Variants in LRRC36 observed in about 807,000 individuals in gnomAD.
The protein encoded by LRRC36 is leucine-rich repeat-containing protein 36.
In LRRC36, 62 loss-of-function variants were observed where a neutral mutation model predicts 81.1. That is an observed-to-expected ratio of 0.76 (90% CI 0.62 to 0.94). The LOEUF (loss-of-function observed/expected upper bound fraction) is 0.94. LRRC36 is among the 40% of genes least tolerant of loss of function. The probability of loss-of-function intolerance (pLI) is 0.00; values close to 1 mark genes in which losing one functional copy is unlikely to be tolerated. For missense variants in LRRC36, 761 were observed against 881.7 expected, an observed-to-expected ratio of 0.86 and a Z score of 1.73; for synonymous variants, 334 against 348.6, an observed-to-expected ratio of 0.96 and a Z score of 0.47.
rs71145966 is a variant in LRRC36 at position 67,331,069 on chromosome 16, AAGAGAGAGAGAGAG to A, written c.70+4169_70+4182del. On this transcript the variant is annotated intron_variant, in intron 1 of 13. Coordinates refer to ENST00000329956, the MANE Select transcript of LRRC36 (RefSeq NM_018296.6). ...GTGCATGTGTGAGATGTGAGAGAGA[AAGAGAGAGAGAGAG>A]AGAGAGAGAGAGAGAGAGAGAGAGA... Among the ~76,000 whole-genome samples the A allele has an allele frequency of 4.7e-3, 556 of 118,628 alleles. 6 individuals are homozygous for A. Among genetic ancestry groups the A allele is most frequent in the East Asian group, 0.038 (150 of 3,988 alleles). The allele number at this position is 118,628 out of a possible 152,430, so 77.8% of individuals were successfully genotyped here.
At chr16:67,341,934 A>T in intron 1 of LRRC36, 23 bp from the exon 2 acceptor site, 1 of 1,595,112 alleles carries the variant, frequency 6.3e-7, no homozygotes, top group Non-Finnish European at 8.6e-7. Flanking sequence ...ATCATAATAT[A>T]TCTACTGATG....
intron 5 of LRRC36, among the ~76,000 whole-genome samples, chr16:67,361,603 C>A (rs914458708): frequency 5.3e-5 from 8 of 152,076 alleles, no homozygotes; most frequent in African/African-American, 1.9e-4. Flanking sequence ...AATGGAGTCT[C>A]ACTCTGTCAC....
At chr16:67,375,774 T>A (rs1351180697) in intron 10 of LRRC36, among the ~76,000 whole-genome samples, 1 of 152,128 alleles carries the variant, frequency 6.6e-6, no homozygotes, top group African/African-American at 2.4e-5. Context: ...AGAAATTGGG[T>A]TTGATCATCA....
At chr16:67,338,971 T>C (rs1479382905) in intron 1 of LRRC36, among the ~76,000 whole-genome samples, 4 of 138,472 alleles carry the variant, frequency 2.9e-5, no homozygotes, top group Non-Finnish European at 6.1e-5. Flanking sequence ...CTTGGCTCAC[T>C]GCAACCCCTG....
rs551713120 is a variant in LRRC36 at position 67,334,544 on chromosome 16, C to T, written c.71-7413C>T. Among the ~76,000 whole-genome samples, 8 of 151,990 alleles carry T rather than the reference C, an allele frequency of 5.3e-5. No individual in the cohort carries two copies. The South Asian group carries it at 1.0e-3, about 20-fold the overall frequency. On this transcript the variant is annotated intron_variant, in intron 1 of 13. Coordinates refer to ENST00000329956, the MANE Select transcript of LRRC36 (RefSeq NM_018296.6). ...TTCACCATGTTGGCCAGGCTGGTCTCGAACTCCCAACCTCAGGTGATCTGC... is the reference window on the plus strand; with the variant it reads ...TTCACCATGTTGGCCAGGCTGGTCTTGAACTCCCAACCTCAGGTGATCTGC...
At chr16:67,371,353 A>G in intron 9 of LRRC36, 111 bp downstream of exon 9, 1 of 1,264,566 alleles carries the variant, frequency 7.9e-7, no homozygotes, top group Non-Finnish European at 1.1e-6. Flanking sequence ...AGAAATTCAA[A>G]GAGATTTTCA....
chr16:67,371,309 G>A (rs746424595), intron 9 of LRRC36, 67 bp downstream of exon 9: 17 of 1,579,880 alleles, frequency 1.1e-5, no homozygotes, highest in Non-Finnish European at 1.5e-5. Flanking sequence ...TGAGGGTTCT[G>A]TTGGGAATGG....
At chr16:67,341,821 G>C in intron 1 of LRRC36, 136 bp from the exon 2 acceptor site, 1 of 509,576 alleles carries the variant, frequency 2.0e-6, no homozygotes, top group Non-Finnish European at 3.3e-6. Context: ...CTTTTAAAAA[G>C]AAGATCTGAT....
rs2039258502 is a variant in LRRC36 at position 67,363,624 on chromosome 16, C to T, written c.612C>T (p.Asn204=). 2.5e-6 allele frequency: 4 copies of T among 1,613,812 alleles called. No homozygotes were observed. The highest frequency in any genetic ancestry group is 1.7e-5 in the Admixed American group (1 of 60,004). The change falls in exon 6 of 14, where the codon AAC becomes AAT. Residue 204 remains asparagine, a synonymous_variant. Transcript: ENST00000329956. The part of the protein sequence containing the change: ...SNKGLFIPFP[N]REIKDSLSTS... ...AAGGACTTTTTATTCCCTTCCCCAA[C>T]CGGGAAATAAAGGATTCCCTAAGTA...
At chr16:67,330,779 C>T (rs918208548) in intron 1 of LRRC36, among the ~76,000 whole-genome samples, 1 of 151,982 alleles carries the variant, frequency 6.6e-6, no homozygotes. Context: ...GCAGGAGAAT[C>T]ACTTGAGCCT....
At position 67,370,803 on chromosome 16, in the gene LRRC36, A is replaced by G. The variant is rs1394051783; in HGVS notation, c.1196-141A>G. 8.8e-6 allele frequency: 6 copies of G among 678,902 alleles called. No homozygotes were observed. In the East Asian group the frequency reaches 1.3e-4, roughly 14 times the overall value. The allele number at this position is 678,902 out of a possible 1,614,324, so 42.1% of individuals were successfully genotyped here. Reference sequence around the variant, plus strand: ...CATGTGGACGGTTAGATTTAACCAGAGTTGGAGTTTTGTCAGAGAGTTGAG... The same window carrying G: ...CATGTGGACGGTTAGATTTAACCAGGGTTGGAGTTTTGTCAGAGAGTTGAG... On this transcript the variant is annotated intron_variant, in intron 8 of 13. Transcript: ENST00000329956.
At chr16:67,380,063 G>T (rs753247593) in intron 12 of LRRC36, among the ~76,000 whole-genome samples, 3 of 152,080 alleles carry the variant, frequency 2.0e-5, no homozygotes, top group African/African-American at 2.4e-5. Context: ...TGAAGGAAAA[G>T]ACCCTAGAAT....
chr16:67,376,131 A>G (rs974135042), intron 10 of LRRC36, among the ~76,000 whole-genome samples: 1 of 152,106 alleles, frequency 6.6e-6, no homozygotes, highest in African/African-American at 2.4e-5. Context: ...AACATGGTGA[A>G]ACCCTGTCCC....
intron 5 of LRRC36, among the ~76,000 whole-genome samples, chr16:67,351,911 A>C (rs2038659601): frequency 6.6e-6 from 1 of 152,200 alleles, no homozygotes; most frequent in African/African-American, 2.4e-5. Flanking sequence ...GGTCCTAGTT[A>C]ATGCTTTGGT....
At position 67,346,457 on chromosome 16, in the gene LRRC36, T is replaced by C. The variant is rs551441505; in HGVS notation, c.391+9T>C. The C allele has an allele frequency of 1.9e-6, 3 of 1,547,874 alleles. No individual in the cohort carries two copies. In the South Asian group the frequency reaches 3.7e-5, roughly 19 times the overall value. ...AACTCTGGAGAAATTAGGTAAGACCTTCCTTCTCTGTTCCTGTCCACAGAA... is the reference window on the plus strand; with the variant it reads ...AACTCTGGAGAAATTAGGTAAGACCCTCCTTCTCTGTTCCTGTCCACAGAA... On this transcript the variant is annotated intron_variant, in intron 3 of 13. Coordinates refer to ENST00000329956, the MANE Select transcript of LRRC36 (RefSeq NM_018296.6).
intron 5 of LRRC36, among the ~76,000 whole-genome samples, chr16:67,361,395 C>T (rs1016488420): frequency 1.3e-5 from 2 of 152,020 alleles, no homozygotes; most frequent in African/African-American, 4.8e-5. Flanking sequence ...AACTGGGCTA[C>T]AGTTTTTGTT....
chr16:67,336,916 T>A (rs917437501), intron 1 of LRRC36, among the ~76,000 whole-genome samples: 110 of 152,114 alleles, frequency 7.2e-4, no homozygotes, highest in African/African-American at 2.6e-3. Context: ...TACTGGGCTG[T>A]GCCACCACAC....
chr16:67,362,532 C>G (rs1402269783), intron 5 of LRRC36, among the ~76,000 whole-genome samples: 1 of 152,018 alleles, frequency 6.6e-6, no homozygotes, highest in East Asian at 1.9e-4. Flanking sequence ...TGAATATTTC[C>G]AGCCCCATCA....
rs535170097 is a variant in LRRC36 at position 67,349,320 on chromosome 16, TA to T, written c.489-880del. Among the ~76,000 whole-genome samples the T allele has an allele frequency of 2.1e-3, 319 of 152,124 alleles. 2 individuals are homozygous for T. The highest frequency in any genetic ancestry group is 2.7e-3 in the Non-Finnish European group (182 of 67,982). On this transcript the variant is annotated intron_variant, in intron 4 of 13. Coordinates refer to ENST00000329956, the MANE Select transcript of LRRC36 (RefSeq NM_018296.6). ...ACCTTGGGTGAAGTTTTTTTTTTTT[TA>T]AGCCTTTCTGAGTCCCAGTTCCCCC...
Sources: gnomAD v4.1 joint callset for allele counts (sites outside exome capture counted in the v4.1 genomes callset) on GRCh38, gnomAD v4.1.1 for gene constraint, MANE v1.5 for transcripts, NCBI Gene and HGNC (gene_info 2026-07-23, HGNC 2026-07-21) for gene names.